The following MAGI1 variants were observed in gnomAD, a reference collection of about 807,000 sequenced individuals.
MAGI1 encodes the protein membrane associated guanylate kinase, WW and PDZ domain containing 1.
Under a neutral mutation model 139.9 loss-of-function variants are expected in MAGI1, and 58 were observed. The observed-to-expected ratio is 0.41, with a 90% confidence interval of 0.34 to 0.52. The LOEUF (loss-of-function observed/expected upper bound fraction) is 0.52, where lower values mean the gene tolerates loss of function less well. MAGI1 is among the 20% of genes least tolerant of loss of function. The probability of loss-of-function intolerance (pLI) is 0.12; values close to 1 mark genes in which losing one functional copy is unlikely to be tolerated. For missense variants in MAGI1, 1,874 were observed against 1,901.6 expected, an observed-to-expected ratio of 0.99 and a Z score of 0.27; for synonymous variants, 812 against 737.9, an observed-to-expected ratio of 1.10 and a Z score of -1.63.
At chr3:65,496,081 G>T (rs948651132) in intron 2 of MAGI1, among the ~76,000 whole-genome samples, 1 of 152,038 alleles carries the variant, frequency 6.6e-6, no homozygotes, top group African/African-American at 2.4e-5. Context: ...TCGCTCTATC[G>T]CTCAGGCTGG....
intron 8 of MAGI1, among the ~76,000 whole-genome samples, chr3:65,442,062 G>A (rs1478672597): frequency 6.9e-6 from 1 of 145,016 alleles, no homozygotes; most frequent in East Asian, 2.1e-4. Context: ...TTTCTCTGAG[G>A]AAACTACATA....
At chr3:66,020,476 C>T (rs567296320) in intron 1 of MAGI1, among the ~76,000 whole-genome samples, 1 of 152,236 alleles carries the variant, frequency 6.6e-6, no homozygotes, top group East Asian at 1.9e-4. Context: ...AGGGTGAAAA[C>T]AGCAGCTCTG....
At chr3:65,886,510 T>G (rs991783163) in intron 1 of MAGI1, among the ~76,000 whole-genome samples, 1 of 151,928 alleles carries the variant, frequency 6.6e-6, no homozygotes, top group Non-Finnish European at 1.5e-5. Context: ...TTAAAGGCTT[T>G]TGTTGCAGCT....
At position 65,514,873 on chromosome 3, in the gene MAGI1, G is replaced by A. The variant is rs868000448; in HGVS notation, c.431-21242C>T. On this transcript the variant is annotated intron_variant, in intron 2 of 22. Transcript: ENST00000402939. ...ACACATGCACACGTATGTTTATTGC[G>A]GCATTATTCACAATAGCAAAGACTT... 5.8e-3 allele frequency among the ~76,000 whole-genome samples: 859 copies of A among 147,046 alleles called. 6 individuals are homozygous for A. The highest frequency in any genetic ancestry group is 0.028 in the Middle Eastern group (8 of 288).
At chr3:65,611,977 T>G (rs1172077617) in intron 2 of MAGI1, among the ~76,000 whole-genome samples, 1 of 152,002 alleles carries the variant, frequency 6.6e-6, no homozygotes, top group East Asian at 1.9e-4. Context: ...TAGCATAAAC[T>G]TGGTATTCTG....
intron 2 of MAGI1, among the ~76,000 whole-genome samples, chr3:65,505,669 G>T (rs559191538): frequency 1.8e-5 from 2 of 109,394 alleles, no homozygotes; most frequent in Non-Finnish European, 4.0e-5. Context: ...AATAATAATA[G>T]GGAATGACTG....
chr3:65,792,023 T>A (rs1407504384), intron 1 of MAGI1, among the ~76,000 whole-genome samples: 1 of 151,778 alleles, frequency 6.6e-6, no homozygotes, highest in Non-Finnish European at 1.5e-5. Flanking sequence ...GTCTACGTAT[T>A]TTTTTTCTAT....
chr3:65,934,053 G>A (rs181567373), intron 1 of MAGI1, among the ~76,000 whole-genome samples: 28 of 152,192 alleles, frequency 1.8e-4, no homozygotes, highest in Admixed American at 2.6e-4. Flanking sequence ...CTTGAACTGC[G>A]AAGGTTGCAG....
At chr3:65,898,123 G>C (rs1472899586) in intron 1 of MAGI1, among the ~76,000 whole-genome samples, 1 of 152,180 alleles carries the variant, frequency 6.6e-6, no homozygotes, top group Non-Finnish European at 1.5e-5. Context: ...CAGCCAGAGA[G>C]TTTGATATAC....
intron 1 of MAGI1, among the ~76,000 whole-genome samples, chr3:65,951,147 T>G (rs2063844054): frequency 6.6e-6 from 1 of 152,200 alleles, no homozygotes; most frequent in African/African-American, 2.4e-5. Flanking sequence ...GAATTTATGT[T>G]GGGCCGCATT....
At chr3:65,622,640 G>A (rs1576510300) in intron 1 of MAGI1, among the ~76,000 whole-genome samples, 1 of 151,386 alleles carries the variant, frequency 6.6e-6, no homozygotes, top group South Asian at 2.1e-4. Context: ...CTCAGCTCAC[G>A]GTAACCTCCG....
At chr3:65,986,322 G>A (rs1302058982) in intron 1 of MAGI1, among the ~76,000 whole-genome samples, 1 of 152,134 alleles carries the variant, frequency 6.6e-6, no homozygotes, top group African/African-American at 2.4e-5. Context: ...CTCAGCTGAA[G>A]AAATAGATTC....
At chr3:65,503,909 T>G (rs17430709) in intron 2 of MAGI1, among the ~76,000 whole-genome samples, 9,755 of 152,242 alleles carry the variant, frequency 0.064, 370 homozygotes, top group Admixed American at 0.093. Context: ...CGTCCATGTA[T>G]CCTTTTCCTG....
At chr3:65,603,531 G>A (rs962889213) in intron 2 of MAGI1, among the ~76,000 whole-genome samples, 5 of 152,324 alleles carry the variant, frequency 3.3e-5, no homozygotes, top group Admixed American at 6.5e-5. Context: ...ACCATAGAAC[G>A]TAGATAAAAG....
chr3:65,408,646 C>T (rs919678817), intron 12 of MAGI1, among the ~76,000 whole-genome samples: 20 of 152,300 alleles, frequency 1.3e-4, no homozygotes, highest in Admixed American at 3.9e-4. Context: ...TGCATCATTT[C>T]CTGCCAACCA....
chr3:65,647,414 C>G (rs966103356), intron 1 of MAGI1, among the ~76,000 whole-genome samples: 1 of 152,002 alleles, frequency 6.6e-6, no homozygotes, highest in Non-Finnish European at 1.5e-5. Flanking sequence ...ATACCAAAAC[C>G]AAAGACAGTA....
chr3:65,595,100 G>T (rs1487945591), intron 2 of MAGI1, among the ~76,000 whole-genome samples: 1 of 152,122 alleles, frequency 6.6e-6, no homozygotes, highest in Non-Finnish European at 1.5e-5. Context: ...TGTAAATATG[G>T]AGATCTTATT....
chr3:65,777,655 A>AAAG (rs1553705569), intron 1 of MAGI1, among the ~76,000 whole-genome samples: 63 of 145,442 alleles, frequency 4.3e-4, no homozygotes, highest in African/African-American at 1.6e-3. Context: ...AAAAAAAAAA[A>AAAG]AAAGAAAGAA....
intron 1 of MAGI1, among the ~76,000 whole-genome samples, chr3:65,955,068 T>C (rs887143498): frequency 2.0e-5 from 3 of 152,166 alleles, no homozygotes; most frequent in Non-Finnish European, 4.4e-5. Flanking sequence ...CTCTCTCATC[T>C]GGTCTTTCTT....
Sources: gnomAD v4.1 joint callset for allele counts (sites outside exome capture counted in the v4.1 genomes callset) on GRCh38, gnomAD v4.1.1 for gene constraint, MANE v1.5 for transcripts, NCBI Gene and HGNC (gene_info 2026-07-23, HGNC 2026-07-21) for gene names.